The following CACNA1H variants were observed in gnomAD, a reference collection of about 807,000 sequenced individuals.
CACNA1H encodes the protein voltage-dependent T-type calcium channel subunit alpha-1H.
In CACNA1H, 149 loss-of-function variants were observed where a neutral mutation model predicts 192.5. The ratio of observed to expected loss-of-function variants is 0.77; its 90% CI spans 0.68 to 0.89. The LOEUF (loss-of-function observed/expected upper bound fraction) is 0.89, where lower values mean the gene tolerates loss of function less well. Ranked by LOEUF, CACNA1H falls within the 40% of genes least tolerant of loss-of-function variation. CACNA1H has a pLI of 0.00. For missense variants in CACNA1H, 4,257 were observed against 3,423.5 expected (o/e 1.24, Z -6.08); for synonymous variants, 2,202 against 1,475.2 (o/e 1.49, Z -11.29).
At chr16:1,196,832 C>G (rs1214949291) in intron 5 of CACNA1H, among the ~76,000 whole-genome samples, 1 of 152,180 alleles carries the variant, frequency 6.6e-6, no homozygotes, top group Non-Finnish European at 1.5e-5. Flanking sequence ...TGGGATCGTT[C>G]TTTAAGCACT....
chr16:1,175,932 G>A (rs538871459), intron 2 of CACNA1H, among the ~76,000 whole-genome samples: 2 of 152,230 alleles, frequency 1.3e-5, no homozygotes, highest in South Asian at 4.1e-4. Flanking sequence ...GCAACAGCCT[G>A]GAGTTTGACC....
At chr16:1,199,866 G>C (rs1016602673) in intron 6 of CACNA1H, among the ~76,000 whole-genome samples, 1 of 151,872 alleles carries the variant, frequency 6.6e-6, no homozygotes, top group East Asian at 1.9e-4. Context: ...CCCCTCATCC[G>C]CTTCCAGGAG....
At position 1,211,152 on chromosome 16, in the gene CACNA1H, C is replaced by T. The variant is rs770006636; in HGVS notation, c.4224-16C>T. ...CTGCCATAGATGACTGCAGTGTATC[C>T]TTCACTCCCCTCCAGGGTCATCAGC... On this transcript the variant is annotated splice_polypyrimidine_tract_variant and intron_variant, in intron 21 of 34. Transcript: ENST00000348261. 8 of 1,611,750 alleles carry T rather than the reference C, an allele frequency of 5.0e-6. No individual in the cohort carries two copies. Among genetic ancestry groups the T allele is most frequent in the South Asian group, 3.3e-5 (3 of 91,028 alleles).
chr16:1,219,383 G>A (rs1014897535), intron 34 of CACNA1H, among the ~76,000 whole-genome samples: 2 of 152,206 alleles, frequency 1.3e-5, no homozygotes, highest in African/African-American at 4.8e-5. Context: ...TGGACCCACA[G>A]CTTCAGGCCC....
chr16:1,195,339 A>G lies in CACNA1H; in HGVS notation c.412-93A>G. Reference sequence around the variant, plus strand: ...GCAGGGGCGGGGCGAGGGGTGTGGCAAGACTGGGGGCCGGGCTCTTGCGGG... The same window carrying G: ...GCAGGGGCGGGGCGAGGGGTGTGGCGAGACTGGGGGCCGGGCTCTTGCGGG... On this transcript the variant is annotated intron_variant, in intron 3 of 34. Coordinates refer to ENST00000348261, the MANE Select transcript of CACNA1H (RefSeq NM_021098.3). 7 of 1,504,854 alleles carry G rather than the reference A, an allele frequency of 4.7e-6. No homozygotes were observed. The South Asian group carries it at 7.4e-5, about 16-fold the overall frequency. 93.2% of individuals were successfully genotyped at this position (1,504,854 alleles called of 1,614,324 possible).
At position 1,202,187 on chromosome 16, in the gene CACNA1H, C is replaced by G. The variant is rs1215964084; in HGVS notation, c.1737C>G (p.Asp579Glu). The change falls in exon 9 of 35, where the codon GAC (aspartate) becomes GAG (glutamate). Residue 579 changes from aspartate (D) to glutamate (E), a missense_variant. Asp to Glu is a conservative substitution (Grantham distance 45). Transcript: ENST00000348261. ...AESVHSIYHA[D>E]CHIEGPQERA... ...CTGTGCACAGCATCTACCATGCCGACTGCCACATAGAGGGGCCGCAGGAGA... is the reference window on the plus strand; with the variant it reads ...CTGTGCACAGCATCTACCATGCCGAGTGCCACATAGAGGGGCCGCAGGAGA... 7.1e-6 allele frequency: 11 copies of G among 1,553,010 alleles called. No individual in the cohort carries two copies. Among genetic ancestry groups the G allele is most frequent in the Non-Finnish European group, 9.6e-6 (11 of 1,149,178 alleles).
At chr16:1,196,066 C>A (rs375851943) in intron 5 of CACNA1H, 43 bp downstream of exon 5, 3 of 1,487,882 alleles carry the variant, frequency 2.0e-6, no homozygotes, top group East Asian at 4.5e-5. Flanking sequence ...AACAGGCTTG[C>A]GTGTCCGCCA....
At chr16:1,202,783 TG>T (rs2141266670) in intron 9 of CACNA1H, among the ~76,000 whole-genome samples, 1 of 152,038 alleles carries the variant, frequency 6.6e-6, no homozygotes, top group African/African-American at 2.4e-5. Context: ...ACCGTATGCT[TG>T]TGTCCACAGC....
At chr16:1,197,907 A>G (rs1166773185) in intron 5 of CACNA1H, among the ~76,000 whole-genome samples, 1 of 152,108 alleles carries the variant, frequency 6.6e-6, no homozygotes, top group Non-Finnish European at 1.5e-5. Context: ...TGGCTGACCC[A>G]CTTGCTGGAT....
rs1459266876 is a variant in CACNA1H, at chr16:1,153,837, G to T, written c.100G>T (p.Gly34Trp). ...GGTGGGGGCGTCCCCGGAGAGCCCC[G>T]GGGCGCCGGGACGCGAGGCGGAGCG... The part of the protein sequence containing the change: ...ALVGASPESP[G>W]APGREAERGS... The change falls in exon 2 of 35, where the codon GGG becomes TGG. Residue 34 changes from glycine to tryptophan, a missense_variant. Physicochemically the swap from Gly to Trp is radical, Grantham distance 184. Coordinates refer to ENST00000348261, the MANE Select transcript of CACNA1H (RefSeq NM_021098.3). 122 of 1,310,332 alleles carry T rather than the reference G, an allele frequency of 9.3e-5. No individual in the cohort carries two copies. The highest frequency in any genetic ancestry group is 1.1e-4 in the Non-Finnish European group (118 of 1,031,250). 81.2% of individuals were successfully genotyped at this position (1,310,332 alleles called of 1,614,324 possible).
chr16:1,193,454 CA>C (rs549270035), intron 2 of CACNA1H, among the ~76,000 whole-genome samples: 1 of 152,374 alleles, frequency 6.6e-6, no homozygotes, highest in South Asian at 2.1e-4. Flanking sequence ...CCTCGTCCAG[CA>C]AGGACTGTGC....
Position 1,220,377 on chromosome 16 carries a change from C to T in CACNA1H, c.6445C>T (p.Arg2149Trp), listed in dbSNP as rs752621913. 2.7e-5 allele frequency: 41 copies of T among 1,523,016 alleles called. 1 individual carries two copies. In the Middle Eastern group the frequency reaches 8.8e-4, roughly 33 times the overall value. 94.3% of individuals were successfully genotyped at this position (1,523,016 alleles called of 1,614,324 possible). The change falls in exon 35 of 35, where the codon CGG becomes TGG. Residue 2149 changes from arginine (R) to tryptophan (W), a missense_variant. Arg to Trp is a moderately radical substitution (Grantham distance 101). Transcript: ENST00000348261. ...DAQGFLDKPG[R>W]ADEQWRPSAE... ...TCAGGGCTTCCTGGACAAGCCGGGC[C>T]GGGCAGACGAGCAGTGGCGGCCCTC...
intron 2 of CACNA1H, among the ~76,000 whole-genome samples, chr16:1,182,409 T>G (rs1403059033): frequency 6.6e-6 from 1 of 152,108 alleles, no homozygotes. Flanking sequence ...TGGTGGCCTG[T>G]GGTGGGTGTG....
In CACNA1H at chr16:1,212,125, G is replaced by C. The variant is rs1418681619; in HGVS notation, c.4746G>C (p.Glu1582Asp). The change falls in exon 25 of 35, where the codon GAG becomes GAC. Residue 1582 changes from glutamate to aspartate, a missense_variant. Transcript: ENST00000348261. Reference protein sequence around the residue: ...RREEKRLRRLERRRRSTFPSP... With the variant: ...RREEKRLRRLDRRRRSTFPSP... ...AGGAGAAGCGGCTGCGGCGCCTAGAGAGGAGGCGCAGGAGTAAGGCGCTCC... is the reference window on the plus strand; with the variant it reads ...AGGAGAAGCGGCTGCGGCGCCTAGACAGGAGGCGCAGGAGTAAGGCGCTCC... 6.2e-7 allele frequency: 1 copy of C among 1,606,848 alleles called. No individual in the cohort carries two copies. Among genetic ancestry groups the C allele is most frequent in the Admixed American group, 1.7e-5 (1 of 59,950 alleles).
chr16:1,186,642 C>T (rs1334092261), intron 2 of CACNA1H, among the ~76,000 whole-genome samples: 2 of 152,158 alleles, frequency 1.3e-5, no homozygotes, highest in Non-Finnish European at 2.9e-5. Flanking sequence ...ACGTGTCCTC[C>T]GTGACTCGCT....
Position 1,212,120 on chromosome 16 carries a change from C to T in CACNA1H, c.4741C>T (p.Leu1581=), listed in dbSNP as rs755918582. The stretch of plus-strand genomic sequence containing the variant: ...GCGAGAGGAGAAGCGGCTGCGGCGC[C>T]TAGAGAGGAGGCGCAGGAGTAAGGC... The part of the protein sequence containing the change: ...RRREEKRLRR[L]ERRRRSTFPS... The change falls in exon 25 of 35, where the codon CTA becomes TTA. Residue 1581 remains leucine, a synonymous_variant. Transcript: ENST00000348261. 1.9e-6 allele frequency: 3 copies of T among 1,607,952 alleles called. No homozygotes were observed. The South Asian group carries it at 3.3e-5, about 18-fold the overall frequency.
At chr16:1,176,036 C>T (rs1342402458) in intron 2 of CACNA1H, among the ~76,000 whole-genome samples, 5 of 152,214 alleles carry the variant, frequency 3.3e-5, no homozygotes, top group African/African-American at 9.6e-5. Flanking sequence ...GGAGGCGCCT[C>T]CCACTCCCAT....
In CACNA1H at chr16:1,200,328, C is replaced by G. The variant is rs376102066; in HGVS notation, c.876C>G (p.Ser292=). ...GCGAGGAGAACCCGTTCATCTGCTC[C>G]TCACGCCGAGACAACGGCATGCAGA... is the stretch of plus-strand genomic sequence containing the variant. ...EEGEENPFIC[S]SRRDNGMQKC... is the part of the protein sequence containing the mutation. The change falls in exon 7 of 35, where the codon TCC becomes TCG. Residue 292 remains serine (S), a synonymous_variant. Transcript: ENST00000348261. 1 of 1,604,456 alleles carries G rather than the reference C, an allele frequency of 6.2e-7. No individual in the cohort carries two copies. The highest frequency in any genetic ancestry group is 8.5e-7 in the Non-Finnish European group (1 of 1,176,158).
intron 2 of CACNA1H, among the ~76,000 whole-genome samples, chr16:1,155,340 C>T (rs1356069117): frequency 6.6e-6 from 1 of 152,164 alleles, no homozygotes; most frequent in Admixed American, 6.5e-5. Context: ...GGTGGGTGTC[C>T]CCGGGAGCCG....
Sources: gnomAD v4.1 joint callset for allele counts (sites outside exome capture counted in the v4.1 genomes callset) on GRCh38, gnomAD v4.1.1 for gene constraint, MANE v1.5 for transcripts, NCBI Gene and HGNC (gene_info 2026-07-23, HGNC 2026-07-21) for gene names.